The following SMYD3 variants were observed in gnomAD, a reference collection of about 807,000 sequenced individuals.
The protein encoded by SMYD3 is histone-lysine N-methyltransferase SMYD3.
SMYD3 carries 36 observed loss-of-function variants against 57.7 expected under a neutral mutation model. The ratio of observed to expected loss-of-function variants is 0.62; its 90% CI spans 0.48 to 0.82. The LOEUF is 0.82. Ranked by LOEUF, SMYD3 falls within the 40% of genes least tolerant of loss-of-function variation. SMYD3 has a pLI of 0.00. For missense variants in SMYD3, 515 were observed against 538.8 expected, an observed-to-expected ratio of 0.96 and a Z score of 0.44; for synonymous variants, 211 against 195.0, an observed-to-expected ratio of 1.08 and a Z score of -0.68.
At chr1:246,300,740 T>C (rs1031036272) in intron 5 of SMYD3, among the ~76,000 whole-genome samples, 1 of 152,102 alleles carries the variant, frequency 6.6e-6, no homozygotes, top group Non-Finnish European at 1.5e-5. Context: ...CGTACCCCCA[T>C]AGAACTGTTG....
chr1:246,376,824 G>A (rs1216657757), intron 1 of SMYD3, among the ~76,000 whole-genome samples: 3 of 151,980 alleles, frequency 2.0e-5, no homozygotes, highest in African/African-American at 4.8e-5. Context: ...TATTGGCCGG[G>A]AGTGGTGTCT....
intron 5 of SMYD3, among the ~76,000 whole-genome samples, chr1:246,144,996 C>T (rs752477973): frequency 1.1e-4 from 16 of 152,222 alleles, no homozygotes; most frequent in Non-Finnish European, 2.2e-4. Flanking sequence ...GGAAAGAACA[C>T]AGGCTTGAAA....
At chr1:246,142,189 T>C (rs926226071) in intron 5 of SMYD3, among the ~76,000 whole-genome samples, 5 of 152,204 alleles carry the variant, frequency 3.3e-5, no homozygotes, top group Non-Finnish European at 5.9e-5. Flanking sequence ...CTCTATACTC[T>C]ATGCTTTTTC....
intron 10 of SMYD3, among the ~76,000 whole-genome samples, chr1:245,839,829 C>CGGGAAAAATGA (rs2050309846): frequency 6.8e-6 from 1 of 148,032 alleles, no homozygotes; most frequent in Non-Finnish European, 1.5e-5. Flanking sequence ...TCAGTTCATT[C>CGGGAAAAATGA]AGAAAAAAAA....
chr1:245,899,413 A>G (rs2054041634), intron 8 of SMYD3, among the ~76,000 whole-genome samples: 1 of 152,234 alleles, frequency 6.6e-6, no homozygotes, highest in South Asian at 2.1e-4. Context: ...TTCCACTAGA[A>G]AATATTTCAT....
chr1:246,327,329 T>C lies in SMYD3; in HGVS notation c.403A>G (p.Lys135Glu). The change falls in exon 5 of 12, where the codon AAA (lysine) becomes GAA (glutamate). Residue 135 changes from lysine to glutamate, a missense_variant. Transcript: ENST00000490107. ...SFYDLESNINKLTEDKKEGLR... is the reference protein window; with the variant it reads ...SFYDLESNINELTEDKKEGLR... The stretch of plus-strand genomic sequence containing the variant: ...CCCTCTTTCTTATCTTCAGTCAGTT[T>C]GTTAATATCTTTTTTAAAGAGAAAA... 6.2e-7 allele frequency: 1 copy of C among 1,608,160 alleles called. No homozygotes were observed. The highest frequency in any genetic ancestry group is 8.5e-7 in the Non-Finnish European group (1 of 1,178,386).
intron 8 of SMYD3, among the ~76,000 whole-genome samples, chr1:245,887,365 C>A (rs547814586): frequency 2.6e-5 from 4 of 152,158 alleles, no homozygotes; most frequent in African/African-American, 9.7e-5. Flanking sequence ...TTTAGCATAT[C>A]ATCAAGAAAT....
chr1:246,196,530 T>G (rs901097089), intron 5 of SMYD3, among the ~76,000 whole-genome samples: 1 of 152,218 alleles, frequency 6.6e-6, no homozygotes. Context: ...AAAAGCAAGT[T>G]GACTGAGACA....
intron 1 of SMYD3, among the ~76,000 whole-genome samples, chr1:246,443,614 G>A (rs903210584): frequency 6.6e-6 from 1 of 152,196 alleles, no homozygotes; most frequent in Non-Finnish European, 1.5e-5. Context: ...CTGGTGTAGT[G>A]GCAGGGAAGA....
At chr1:245,959,715 G>A (rs1343262641) in intron 5 of SMYD3, among the ~76,000 whole-genome samples, 2 of 152,130 alleles carry the variant, frequency 1.3e-5, no homozygotes, top group African/African-American at 4.8e-5. Context: ...TCTAAATAAA[G>A]CATAACATTC....
chr1:245,974,280 C>T (rs951579831), intron 5 of SMYD3, among the ~76,000 whole-genome samples: 2 of 152,178 alleles, frequency 1.3e-5, no homozygotes, highest in African/African-American at 4.8e-5. Flanking sequence ...TGGGAAGATT[C>T]ATTCCCATCT....
At chr1:246,122,306 G>C (rs143895769) in intron 5 of SMYD3, among the ~76,000 whole-genome samples, 1,996 of 152,264 alleles carry the variant, frequency 0.013, 19 homozygotes, top group Middle Eastern at 0.031. Flanking sequence ...CAGCTACTCA[G>C]GAGGCGGGGG....
intron 5 of SMYD3, among the ~76,000 whole-genome samples, chr1:246,161,434 C>T (rs571122017): frequency 1.8e-4 from 27 of 152,162 alleles, no homozygotes; most frequent in Non-Finnish European, 3.2e-4. Flanking sequence ...ATCAGATTAT[C>T]TTTTACCAGT....
At chr1:245,942,267 T>C (rs2057276334) in intron 5 of SMYD3, among the ~76,000 whole-genome samples, 6 of 151,792 alleles carry the variant, frequency 4.0e-5, no homozygotes. Context: ...AGGCTCAAAA[T>C]AAAGGGATAC....
intron 5 of SMYD3, among the ~76,000 whole-genome samples, chr1:246,273,161 T>TTTTTTTTTTTTTTTGG (rs2064258201): frequency 7.6e-6 from 1 of 131,080 alleles, no homozygotes; most frequent in Non-Finnish European, 1.6e-5. Context: ...TTCTTTTTTT[T>TTTTTTTTTTTTTTTGG]GGGGGGGGGA....
chr1:246,318,250 G>A (rs919414348), intron 5 of SMYD3, among the ~76,000 whole-genome samples: 6 of 152,042 alleles, frequency 3.9e-5, no homozygotes, highest in Non-Finnish European at 5.9e-5. Flanking sequence ...GCAAGGCATG[G>A]TGGCACACAC....
intron 5 of SMYD3, among the ~76,000 whole-genome samples, chr1:246,051,428 A>G (rs1434614472): frequency 1.3e-5 from 2 of 152,060 alleles, no homozygotes; most frequent in East Asian, 3.9e-4. Context: ...GCCAATATTA[A>G]CTTATTTTTT....
At chr1:246,506,982 G>A (rs2068551480) in intron 1 of SMYD3, 72 bp downstream of exon 1, 3 of 648,602 alleles carry the variant, frequency 4.6e-6, no homozygotes, top group East Asian at 6.3e-5. Context: ...GCTGCCGGCC[G>A]CCCGACGCCC....
At chr1:245,763,288 C>T (rs1314289092) in intron 11 of SMYD3, among the ~76,000 whole-genome samples, 1 of 152,166 alleles carries the variant, frequency 6.6e-6, no homozygotes, top group Non-Finnish European at 1.5e-5. Context: ...GCCAAGATAA[C>T]CACGAAGCCC....
Sources: gnomAD v4.1 joint callset for allele counts (sites outside exome capture counted in the v4.1 genomes callset) on GRCh38, gnomAD v4.1.1 for gene constraint, MANE v1.5 for transcripts, NCBI Gene and HGNC (gene_info 2026-07-23, HGNC 2026-07-21) for gene names.